PLEKHG1: variants seen among roughly 807,000 people sequenced by gnomAD.
PLEKHG1 encodes pleckstrin homology domain-containing family G member 1.
A neutral mutation model predicts 100.8 loss-of-function variants in PLEKHG1; 44 were observed. That is an observed-to-expected ratio of 0.44 (90% CI 0.34 to 0.56). The LOEUF (loss-of-function observed/expected upper bound fraction) is 0.56, where lower values mean the gene tolerates loss of function less well. Among genes scored for constraint, PLEKHG1 ranks in the 20% least tolerant of loss-of-function variants. PLEKHG1 has a pLI of 0.01. For synonymous variants in PLEKHG1, 640 were observed against 662.5 expected (o/e 0.97, Z 0.52); for missense variants, 1,545 against 1,720.9 (o/e 0.90, Z 1.81).
chr6:150,711,759 A>G (rs1403034461), intron 3 of PLEKHG1, among the ~76,000 whole-genome samples: 1 of 152,224 alleles, frequency 6.6e-6, no homozygotes, highest in Non-Finnish European at 1.5e-5. Flanking sequence ...CCTGGAACAT[A>G]GTAGCTGCTC....
intron 15 of PLEKHG1, among the ~76,000 whole-genome samples, chr6:150,832,668 G>GT (rs1165650579): frequency 2.9e-5 from 4 of 136,676 alleles, no homozygotes; most frequent in Non-Finnish European, 6.1e-5. Flanking sequence ...AAAAAGAGGG[G>GT]TTTTTTTGCA....
At chr6:150,719,687 C>A (rs1457311500), upstream of PLEKHG1, among the ~76,000 whole-genome samples, 2 of 152,288 alleles carry the variant, frequency 1.3e-5, no homozygotes, top group East Asian at 3.9e-4. Context: ...CCAGCTTAGG[C>A]ACTGGTATGG....
rs544608629 is a variant in PLEKHG1 at position 150,727,012 on chromosome 6, T to C, written c.-99+5812T>C. Among the ~76,000 whole-genome samples, 21 of 152,356 alleles carry C rather than the reference T, an allele frequency of 1.4e-4. No individual in the cohort carries two copies. In the South Asian group the frequency reaches 3.9e-3, roughly 29 times the overall value. On this transcript the variant is annotated intron_variant, in intron 1 of 15. Transcript: ENST00000358517. ...TGTATATTAAACGAACATCACTAAC[T>C]GGTAGAGTAACTATTTCTGTATACT...
chr6:150,630,565 A>T (rs867135714), intron 1 of PLEKHG1, among the ~76,000 whole-genome samples: 1 of 152,218 alleles, frequency 6.6e-6, no homozygotes, highest in South Asian at 2.1e-4. Flanking sequence ...ATATGGGAAA[A>T]GCAGGTTAGC....
intron 5 of PLEKHG1, among the ~76,000 whole-genome samples, chr6:150,799,206 C>A (rs1470979995): frequency 4.6e-5 from 7 of 152,164 alleles, no homozygotes; most frequent in Admixed American, 3.3e-4. Flanking sequence ...CCACTTGTAT[C>A]CCATCACTTT....
At chr6:150,714,737 A>C (rs945884429) in intron 3 of PLEKHG1, among the ~76,000 whole-genome samples, 2 of 152,182 alleles carry the variant, frequency 1.3e-5, no homozygotes, top group Non-Finnish European at 2.9e-5. Flanking sequence ...GGACTAACGA[A>C]AAATGGCTTC....
At chr6:150,599,989 C>A in exon 1 of PLEKHG1, 1 of 236,062 alleles carries the variant, frequency 4.2e-6, no homozygotes, top group Non-Finnish European at 9.0e-6. Flanking sequence ...GCGAGCGCCG[C>A]CCGGGCATGC....
intron 2 of PLEKHG1, among the ~76,000 whole-genome samples, chr6:150,756,313 G>A (rs180810883): frequency 1.0e-3 from 154 of 152,278 alleles, no homozygotes; most frequent in South Asian, 5.4e-3. Flanking sequence ...GCCTGTGACT[G>A]TTTCTGGATC....
chr6:150,758,723 T>C (rs960385629), intron 2 of PLEKHG1, among the ~76,000 whole-genome samples: 6 of 152,222 alleles, frequency 3.9e-5, no homozygotes, highest in Non-Finnish European at 8.8e-5. Flanking sequence ...TAATGATCAG[T>C]GGTGTTGAGC....
At chr6:150,661,626 G>A (rs1779197726) in intron 3 of PLEKHG1, among the ~76,000 whole-genome samples, 1 of 152,186 alleles carries the variant, frequency 6.6e-6, no homozygotes, top group African/African-American at 2.4e-5. Context: ...TCCAATATTT[G>A]TGGAGAAAAA....
At chr6:150,735,012 G>C (rs1446965796) in intron 2 of PLEKHG1, among the ~76,000 whole-genome samples, 1 of 103,196 alleles carries the variant, frequency 9.7e-6, no homozygotes, top group Admixed American at 1.2e-4. Context: ...TTGAGACGGA[G>C]TTTAGCTCTT....
chr6:150,782,013 C>T (rs1254703093), intron 3 of PLEKHG1, among the ~76,000 whole-genome samples: 2 of 151,966 alleles, frequency 1.3e-5, no homozygotes, highest in African/African-American at 2.4e-5. Flanking sequence ...CTCCTGACCT[C>T]GTGATCCACC....
chr6:150,714,521 C>A (rs985433410), intron 3 of PLEKHG1, among the ~76,000 whole-genome samples: 5 of 152,100 alleles, frequency 3.3e-5, no homozygotes, highest in African/African-American at 7.2e-5. Flanking sequence ...AACTTGGTTG[C>A]AAGGGAAAGG....
chr6:150,634,547 G>A (rs1777910369), intron 1 of PLEKHG1, among the ~76,000 whole-genome samples: 1 of 151,978 alleles, frequency 6.6e-6, no homozygotes, highest in Admixed American at 6.6e-5. Context: ...CTCAGCTTTG[G>A]GATAAAGCAT....
chr6:150,630,395 G>A (rs1298212235), intron 1 of PLEKHG1, among the ~76,000 whole-genome samples: 1 of 152,238 alleles, frequency 6.6e-6, no homozygotes, highest in Admixed American at 6.5e-5. Context: ...GAAAACTGAA[G>A]AAGTGGTGAA....
At chr6:150,731,997 T>C (rs1215088540) in intron 1 of PLEKHG1, among the ~76,000 whole-genome samples, 1 of 145,668 alleles carries the variant, frequency 6.9e-6, no homozygotes, top group Non-Finnish European at 1.5e-5. Flanking sequence ...ACTCTCTCTC[T>C]GTCGCCCAGT....
chr6:150,685,003 C>G (rs539431601), intron 3 of PLEKHG1, among the ~76,000 whole-genome samples: 1 of 152,152 alleles, frequency 6.6e-6, no homozygotes, highest in Admixed American at 6.5e-5. Context: ...CAACTCCCTA[C>G]CACTCCTAAT....
intron 7 of PLEKHG1, among the ~76,000 whole-genome samples, chr6:150,805,103 T>G (rs1786984471): frequency 6.6e-6 from 1 of 151,712 alleles, no homozygotes. Context: ...GGCCTGCCAA[T>G]TTTGTATTTT....
At chr6:150,814,722 GT>G (rs1787756102) in intron 10 of PLEKHG1, among the ~76,000 whole-genome samples, 1 of 151,956 alleles carries the variant, frequency 6.6e-6, no homozygotes, top group Non-Finnish European at 1.5e-5. Context: ...GTTTTGTTTT[GT>G]TTTGAAACAG....
Sources: allele counts gnomAD v4.1 joint callset (sites outside exome capture counted in the v4.1 genomes callset), GRCh38; gene constraint gnomAD v4.1.1; transcripts MANE v1.5; gene names NCBI Gene and HGNC (gene_info 2026-07-23, HGNC 2026-07-21).